SLC35E2B: variants seen among roughly 807,000 people sequenced by gnomAD.
SLC35E2B encodes solute carrier family 35 member E2B.
SLC35E2B carries 18 observed loss-of-function variants against 32.4 expected under a neutral mutation model. The observed-to-expected ratio is 0.56, with a 90% CI of 0.38 to 0.82. The LOEUF is 0.82. SLC35E2B is among the 40% of genes least tolerant of loss of function. The pLI, the probability that SLC35E2B is intolerant of heterozygous loss-of-function variation, is 0.00. For missense variants in SLC35E2B, 263 were observed against 469.5 expected (o/e 0.56, Z 4.06); for synonymous variants, 132 against 209.1 (o/e 0.63, Z 3.18).
chr1:1,669,605 G>A (rs1643631723), intron 8 of SLC35E2B, 59 bp downstream of exon 8: 3 of 1,457,770 alleles, frequency 2.1e-6, no homozygotes, highest in East Asian at 5.0e-5. Flanking sequence ...TTCTGCTCCT[G>A]AATCACCGGA....
rs1643819820 is a variant in SLC35E2B, at chr1:1,675,448, GC to G, written c.586+14del. 1 of 1,612,282 alleles carries G rather than the reference GC, an allele frequency of 6.2e-7. No individual in the cohort carries two copies. The highest frequency in any genetic ancestry group is 1.1e-5 in the South Asian group (1 of 90,936). The stretch of plus-strand genomic sequence containing the variant: ...GGTGGGGCGCAGGCGGAGGGGCGGG[GC>G]CCGGGGGCCTCACCTGTGTACTCCC... On this transcript the variant is annotated intron_variant, in intron 5 of 9. Transcript: ENST00000617444.
chr1:1,669,583 A>C (rs759233926), intron 8 of SLC35E2B, 81 bp downstream of exon 8: 73 of 1,399,898 alleles, frequency 5.2e-5, no homozygotes, highest in Admixed American at 1.4e-4. Flanking sequence ...CACGGCCTGG[A>C]AACGGAAGTC....
Position 1,669,718 on chromosome 1 carries a change from G to T in SLC35E2B, c.780C>A (p.Phe260Leu). The change falls in exon 8 of 10, where the codon TTC (phenylalanine) becomes TTA (leucine). Residue 260 changes from phenylalanine to leucine, a missense_variant. This residue lies in a region of SLC35E2B where 129 missense variants were observed against 164.5 expected (regional missense o/e 0.78). Transcript: ENST00000617444. The part of the protein sequence containing the change: ...KYRFSAPELQ[F>L]YTSAAAVAML... ...TGGCCACCGCAGCGGCGCTGGTGTA[G>T]AACTGCAGCTCCGGGGCCCTGTGGG... The T allele has an allele frequency of 6.5e-7, 1 of 1,547,048 alleles. No individual in the cohort carries two copies. The highest frequency in any genetic ancestry group is 8.7e-7 in the Non-Finnish European group (1 of 1,145,146).
intron 7 of SLC35E2B, 34 bp downstream of exon 7, chr1:1,670,064 T>A: frequency 6.6e-7 from 1 of 1,522,864 alleles, no homozygotes; most frequent in Non-Finnish European, 8.9e-7. Context: ...CTTCGTCTTA[T>A]GACTTGGAGA....
In SLC35E2B at chr1:1,665,448, C is replaced by T. The variant is rs549275729; in HGVS notation, c.*334G>A. On this transcript the variant is annotated 3_prime_UTR_variant, in exon 10 of 10. Coordinates refer to ENST00000617444, the MANE Select transcript of SLC35E2B (RefSeq NM_001290264.2). Reference sequence around the variant, plus strand: ...GAGCGGCTCTCGTTGGCACTGGACCCACCTCTGGCTCCCGGTGGACCCTGG... The same window carrying T: ...GAGCGGCTCTCGTTGGCACTGGACCTACCTCTGGCTCCCGGTGGACCCTGG... 1 of 525,668 alleles carries T rather than the reference C, an allele frequency of 1.9e-6. No homozygotes were observed. Among genetic ancestry groups the T allele is most frequent in the Admixed American group, 3.6e-5 (1 of 28,152 alleles). 32.6% of individuals were successfully genotyped at this position (525,668 alleles called of 1,614,324 possible). A position where few individuals can be genotyped will look rare whatever the true frequency, so the allele number is the denominator to read the frequency against.
intron 2 of SLC35E2B, among the ~76,000 whole-genome samples, chr1:1,678,312 G>C (rs1185252022): frequency 6.6e-6 from 1 of 152,060 alleles, no homozygotes; most frequent in Non-Finnish European, 1.5e-5. Context: ...TGGGTGCTCA[G>C]GCCGGCCTCT....
In SLC35E2B at chr1:1,673,169, G is replaced by C. The variant is rs1394996830; in HGVS notation, c.587-1540C>G. 7 of 234,534 alleles carry C rather than the reference G, an allele frequency of 3.0e-5. No individual in the cohort carries two copies. The East Asian group carries it at 6.8e-4, about 23-fold the overall frequency. 14.5% of individuals were successfully genotyped at this position (234,534 alleles called of 1,614,324 possible). A position where few individuals can be genotyped will look rare whatever the true frequency, so the allele number is the denominator to read the frequency against. ...AGGATCACTTGAGATAAGGAGTTCAGGACCAGCATGGGCAACACAGCGAGA... is the reference window on the plus strand; with the variant it reads ...AGGATCACTTGAGATAAGGAGTTCACGACCAGCATGGGCAACACAGCGAGA... On this transcript the variant is annotated intron_variant, in intron 5 of 9. Coordinates refer to ENST00000617444, the MANE Select transcript of SLC35E2B (RefSeq NM_001290264.2).
chr1:1,684,530 G>A (rs368875339), intron 2 of SLC35E2B, among the ~76,000 whole-genome samples: 2 of 152,190 alleles, frequency 1.3e-5, no homozygotes, highest in East Asian at 1.9e-4. Flanking sequence ...AGTGGCTCAC[G>A]CCTGTCATCC....
rs1424402463 is a variant in SLC35E2B at position 1,689,259 on chromosome 1, A to G, written c.-148+1717T>C. Among the ~76,000 whole-genome samples the G allele has an allele frequency of 4.6e-5, 7 of 152,282 alleles. No individual in the cohort carries two copies. The East Asian group carries it at 1.4e-3, about 29-fold the overall frequency. ...GAAACTTTATTCAGTCTATGATACCAGGACAGTTGTCCATGCTGCCAGGCA... is the reference window on the plus strand; with the variant it reads ...GAAACTTTATTCAGTCTATGATACCGGGACAGTTGTCCATGCTGCCAGGCA... On this transcript the variant is annotated intron_variant, in intron 2 of 9. Coordinates refer to ENST00000617444, the MANE Select transcript of SLC35E2B (RefSeq NM_001290264.2).
intron 2 of SLC35E2B, among the ~76,000 whole-genome samples, chr1:1,680,254 T>C (rs112296719): frequency 0.065 from 9,822 of 151,926 alleles, 1,049 homozygotes; most frequent in African/African-American, 0.22. Context: ...TGAGCCGTGA[T>C]TGTGCCACTG....
Position 1,671,507 on chromosome 1 carries a change from A to G in SLC35E2B, c.707+2T>C, listed in dbSNP as rs1179481339. On this transcript the variant is annotated splice_donor_variant, in intron 6 of 9. Coordinates refer to ENST00000617444, the MANE Select transcript of SLC35E2B (RefSeq NM_001290264.2). LOFTEE classifies it high-confidence loss of function. ...CTCACGCCCACCTTCTCTGTGACTCACCAGTCCATGATGTTGGTGGACAGT... is the reference window on the plus strand; with the variant it reads ...CTCACGCCCACCTTCTCTGTGACTCGCCAGTCCATGATGTTGGTGGACAGT... The G allele has an allele frequency of 6.6e-7, 1 of 1,522,022 alleles. No individual in the cohort carries two copies. The allele number at this position is 1,522,022 out of a possible 1,614,324, so 94.3% of individuals were successfully genotyped here.
intron 8 of SLC35E2B, 96 bp downstream of exon 8, chr1:1,669,568 C>T (rs1190350604): frequency 3.9e-5 from 51 of 1,317,864 alleles, no homozygotes; most frequent in Non-Finnish European, 4.8e-5. Context: ...CCCAACCAGC[C>T]AGCACACGGC....
intron 7 of SLC35E2B, 149 bp from the exon 8 acceptor site, chr1:1,669,885 T>C (rs1325165138): frequency 3.2e-6 from 3 of 950,234 alleles, no homozygotes; most frequent in Non-Finnish European, 4.9e-6. Flanking sequence ...TTCCCAGAAA[T>C]GAAAACGCAA....
At chr1:1,682,198 C>T (rs923605289) in intron 2 of SLC35E2B, among the ~76,000 whole-genome samples, 6 of 151,656 alleles carry the variant, frequency 4.0e-5, no homozygotes, top group South Asian at 2.1e-4. Context: ...TGACAGGGAG[C>T]GACAAAAAAC....
chr1:1,687,860 C>CTA (rs1236300437), intron 2 of SLC35E2B, among the ~76,000 whole-genome samples: 4 of 152,082 alleles, frequency 2.6e-5, no homozygotes, highest in African/African-American at 9.7e-5. Context: ...CACCACTGTA[C>CTA]TACAGGCTGG....
At position 1,665,606 on chromosome 1, in the gene SLC35E2B, G is replaced by T; in HGVS notation, c.*176C>A. The T allele has an allele frequency of 1.0e-6, 1 of 997,734 alleles. No individual in the cohort carries two copies. Among genetic ancestry groups the T allele is most frequent in the Non-Finnish European group, 1.4e-6 (1 of 699,788 alleles). 61.8% of individuals were successfully genotyped at this position (997,734 alleles called of 1,614,324 possible). Reference sequence around the variant, plus strand: ...CTCTACTCCAGGAAGCTGATACCTGGAATCCCCAGTTTGAGTTTCTGCTGG... The same window carrying T: ...CTCTACTCCAGGAAGCTGATACCTGTAATCCCCAGTTTGAGTTTCTGCTGG... On this transcript the variant is annotated 3_prime_UTR_variant, in exon 10 of 10. Coordinates refer to ENST00000617444, the MANE Select transcript of SLC35E2B (RefSeq NM_001290264.2).
rs1198890195 is a variant in SLC35E2B at position 1,668,353 on chromosome 1, C to T, written c.954G>A (p.Met318Ile). The T allele has an allele frequency of 1.2e-6, 2 of 1,609,806 alleles. No individual in the cohort carries two copies. Among genetic ancestry groups the T allele is most frequent in the Non-Finnish European group, 1.7e-6 (2 of 1,178,450 alleles). ...HLQSVTAYAL[M>I]GKISPVTFSV... is the part of the protein sequence containing the mutation. ...TGAAAGTCACCGGGGAGATTTTCCCCATGAGGGCGTACGCCGTGACGCTCT... is the reference window on the plus strand; with the variant it reads ...TGAAAGTCACCGGGGAGATTTTCCCTATGAGGGCGTACGCCGTGACGCTCT... Residue 318 changes from methionine to isoleucine, a missense_variant, in exon 9 of 10, where the codon ATG (methionine) becomes ATA (isoleucine). Physicochemically the swap from Met to Ile is conservative, Grantham distance 10. Coordinates refer to ENST00000617444, the MANE Select transcript of SLC35E2B (RefSeq NM_001290264.2).
chr1:1,681,652 A>T (rs1293971930), intron 2 of SLC35E2B, among the ~76,000 whole-genome samples: 1 of 148,294 alleles, frequency 6.7e-6, no homozygotes, highest in Admixed American at 6.7e-5. Context: ...AATTATAGGC[A>T]TGCGCCACCA....
At chr1:1,690,528 C>A (rs1644007158) in intron 2 of SLC35E2B, among the ~76,000 whole-genome samples, 1 of 140,948 alleles carries the variant, frequency 7.1e-6, no homozygotes, top group Non-Finnish European at 1.6e-5. Flanking sequence ...CACCTGAGGT[C>A]AGGAGTTCGA....
Sources: gnomAD v4.1 joint callset for allele counts (sites outside exome capture counted in the v4.1 genomes callset) on GRCh38, gnomAD v4.1.1 for gene constraint, gnomAD v4.1.1 regional missense constraint, MANE v1.5 for transcripts, NCBI Gene and HGNC (gene_info 2026-07-23, HGNC 2026-07-21) for gene names.